The following EPHA6 variants were observed in gnomAD, a reference collection of about 807,000 sequenced individuals.
The protein encoded by EPHA6 is ephrin type-A receptor 6.
EPHA6 carries 50 observed loss-of-function variants against 112.0 expected under a neutral mutation model. That is an observed-to-expected ratio of 0.45 (90% CI 0.36 to 0.56). EPHA6 has a LOEUF of 0.56. EPHA6 is among the 20% of genes least tolerant of loss of function. The pLI, the probability that EPHA6 is intolerant of heterozygous loss-of-function variation, is 0.00. For missense variants in EPHA6, 1,280 were observed against 1,417.4 expected, an observed-to-expected ratio of 0.90 and a Z score of 1.56; for synonymous variants, 529 against 490.7, an observed-to-expected ratio of 1.08 and a Z score of -1.03.
intron 1 of EPHA6, among the ~76,000 whole-genome samples, chr3:96,841,953 AC>A (rs1262687921): frequency 2.0e-5 from 3 of 152,060 alleles, no homozygotes; most frequent in Non-Finnish European, 4.4e-5. Flanking sequence ...TATTCTTCTT[AC>A]CATCATCCAC....
intron 3 of EPHA6, among the ~76,000 whole-genome samples, chr3:97,200,559 T>C (rs1313746737): frequency 6.6e-6 from 1 of 152,114 alleles, no homozygotes; most frequent in Non-Finnish European, 1.5e-5. Flanking sequence ...CTGTGTTCCC[T>C]CCAGCAATGA....
intron 5 of EPHA6, among the ~76,000 whole-genome samples, chr3:97,343,560 T>C (rs568055841): frequency 6.6e-6 from 1 of 152,160 alleles, no homozygotes; most frequent in South Asian, 2.1e-4. Context: ...AAACCAACCT[T>C]TGTTAAGGAG....
chr3:97,479,321 G>T lies in EPHA6; in HGVS notation c.2031G>T (p.Met677Ile). Residue 677 changes from methionine to isoleucine, a missense_variant, in exon 9 of 18, where the codon ATG becomes ATT. By Grantham distance (10) the Met-to-Ile change is conservative. Around this residue, in one of 4 missense-constraint regions of EPHA6, gnomAD observed 878 missense variants for 999.7 expected, o/e 0.88. Transcript: ENST00000389672. ...GRCQWYIKAK[M>I]KSEEKRRNHL... ...GTCAGTGGTACATAAAAGCCAAGAT[G>T]AAGTCAGAAGAGAAGAGAAGAAACC... 1 of 1,602,708 alleles carries T rather than the reference G, an allele frequency of 6.2e-7. No individual in the cohort carries two copies. The highest frequency in any genetic ancestry group is 8.5e-7 in the Non-Finnish European group (1 of 1,176,316).
chr3:97,405,206 C>T lies in EPHA6; in HGVS notation c.1663C>T (p.Leu555=), dbSNP rs200210776. The T allele has an allele frequency of 2.5e-5, 41 of 1,608,942 alleles. No homozygotes were observed. The Admixed American group carries it at 6.7e-4, about 26-fold the overall frequency. The stretch of plus-strand genomic sequence containing the variant: ...CTGGGCATCCCAAAATAGCATTGCC[C>T]TATCATGGCAAGCACCTGCTTTTTC... ...KDWASQNSIA[L]SWQAPAFSNG... is the part of the protein sequence containing the mutation. The change falls in exon 6 of 18, where the codon CTA becomes TTA. Residue 555 remains leucine, a synonymous_variant. Coordinates refer to ENST00000389672, the MANE Select transcript of EPHA6 (RefSeq NM_001080448.3).
rs147528057 is a variant in EPHA6, at chr3:97,361,936, A to C, written c.1607-43214A>C. ...ATATCTAAAAGAAATGAGGCAGTGG[A>C]CCTAAAGGAAATCAGAAAGTTTACC... On this transcript the variant is annotated intron_variant, in intron 5 of 17. Transcript: ENST00000389672. Among the ~76,000 whole-genome samples, 556 of 152,292 alleles carry C rather than the reference A, an allele frequency of 3.7e-3. 2 individuals carry two copies. The highest frequency in any genetic ancestry group is 0.013 in the African/African-American group (520 of 41,572).
intron 6 of EPHA6, among the ~76,000 whole-genome samples, chr3:97,428,785 C>G (rs766721487): frequency 1.3e-5 from 2 of 152,134 alleles, no homozygotes; most frequent in Non-Finnish European, 2.9e-5. Flanking sequence ...GATCCGGGTA[C>G]TAGAACCAGA....
At chr3:96,825,997 A>G (rs1040286477) in intron 1 of EPHA6, among the ~76,000 whole-genome samples, 2 of 152,000 alleles carry the variant, frequency 1.3e-5, no homozygotes, top group Admixed American at 1.3e-4. Flanking sequence ...CTTTGAATAC[A>G]TCTAGGTTTT....
At chr3:97,495,362 A>G (rs1206292466) in intron 10 of EPHA6, among the ~76,000 whole-genome samples, 2 of 151,440 alleles carry the variant, frequency 1.3e-5, no homozygotes, top group Non-Finnish European at 2.9e-5. Flanking sequence ...TAATACCTAT[A>G]TAAATTTGTA....
intron 10 of EPHA6, among the ~76,000 whole-genome samples, chr3:97,509,120 G>T (rs1444213404): frequency 1.3e-5 from 2 of 149,138 alleles, no homozygotes; most frequent in East Asian, 4.0e-4. Flanking sequence ...GCACACTGAT[G>T]GGTCTTGATT....
intron 7 of EPHA6, among the ~76,000 whole-genome samples, chr3:97,455,553 T>C (rs1024580754): frequency 1.3e-5 from 2 of 152,040 alleles, no homozygotes; most frequent in African/African-American, 2.4e-5. Flanking sequence ...CTATTTTTTA[T>C]TATTACCTCC....
chr3:97,011,067 C>A (rs2044068703), intron 3 of EPHA6, among the ~76,000 whole-genome samples: 4 of 152,150 alleles, frequency 2.6e-5, no homozygotes, highest in African/African-American at 7.2e-5. Context: ...TGCATGCCAC[C>A]TGAAAAGACA....
At chr3:97,387,271 A>T (rs1388786756) in intron 5 of EPHA6, among the ~76,000 whole-genome samples, 1 of 149,118 alleles carries the variant, frequency 6.7e-6, no homozygotes, top group African/African-American at 2.5e-5. Flanking sequence ...GGGACTGCAA[A>T]TTTTCCCAAC....
At position 97,572,483 on chromosome 3, in the gene EPHA6, C is replaced by CT. The variant is rs1226741401; in HGVS notation, c.2387-20123dup. ...ATCTCTTAGTTACTCCTTTTTCCTG[C>CT]TTTTTTGTCTTTGTTTTATGCTGAT... On this transcript the variant is annotated intron_variant, in intron 11 of 17. Transcript: ENST00000389672. Among the ~76,000 whole-genome samples, 3 of 151,916 alleles carry CT rather than the reference C, an allele frequency of 2.0e-5. No homozygotes were observed. The East Asian group carries it at 5.8e-4, about 29-fold the overall frequency.
At chr3:97,090,441 A>G (rs2047028591) in intron 3 of EPHA6, among the ~76,000 whole-genome samples, 1 of 152,092 alleles carries the variant, frequency 6.6e-6, no homozygotes, top group Admixed American at 6.6e-5. Flanking sequence ...GTGGTTAGAC[A>G]TTGTAATTTT....
intron 3 of EPHA6, among the ~76,000 whole-genome samples, chr3:97,128,807 G>A (rs965763045): frequency 2.0e-4 from 30 of 151,414 alleles, no homozygotes; most frequent in Admixed American, 1.3e-3. Context: ...GGCCACTGCC[G>A]GTGCCTGACC....
chr3:97,226,755 C>A (rs1037094134), intron 4 of EPHA6, among the ~76,000 whole-genome samples: 5 of 152,176 alleles, frequency 3.3e-5, no homozygotes, highest in African/African-American at 9.7e-5. Flanking sequence ...AACTTCTGTT[C>A]TTTGCTTCAA....
At chr3:97,163,733 G>A (rs532803747) in intron 3 of EPHA6, among the ~76,000 whole-genome samples, 1 of 152,248 alleles carries the variant, frequency 6.6e-6, no homozygotes, top group East Asian at 1.9e-4. Flanking sequence ...TTCATGCCAG[G>A]GAGGCATCTG....
chr3:96,933,738 A>G (rs1365486032), intron 2 of EPHA6, among the ~76,000 whole-genome samples: 1 of 152,128 alleles, frequency 6.6e-6, no homozygotes, highest in Admixed American at 6.5e-5. Context: ...GAGTAAGTTT[A>G]TTATTATAAA....
chr3:97,359,318 C>A (rs2084244836), intron 5 of EPHA6, among the ~76,000 whole-genome samples: 1 of 151,836 alleles, frequency 6.6e-6, no homozygotes, highest in Non-Finnish European at 1.5e-5. Context: ...TCTTCATCCT[C>A]AAATCTGCCT....
Sources: gnomAD v4.1 joint callset for allele counts (sites outside exome capture counted in the v4.1 genomes callset) on GRCh38, gnomAD v4.1.1 for gene constraint, gnomAD v4.1.1 regional missense constraint, MANE v1.5 for transcripts, NCBI Gene and HGNC (gene_info 2026-07-23, HGNC 2026-07-21) for gene names.